The following HYCC1 variants were observed in gnomAD, a reference collection of about 807,000 sequenced individuals.
HYCC1 encodes hyccin PI4KA lipid kinase complex subunit 1, also known as hyccin.
At chr7:22,961,575 T>TA in the HYCC1 span, among the ~76,000 whole-genome samples, 1 of 152,022 alleles carries the variant, frequency 6.6e-6, no homozygotes, top group Non-Finnish European at 1.5e-5. Flanking sequence ...AGAACAGAAA[T>TA]AAAAAAAGCT....
chr7:23,002,162 A>ATACAAT, the HYCC1 span, among the ~76,000 whole-genome samples: 1,189 of 35,470 alleles, frequency 0.034, 30 homozygotes, highest in South Asian at 0.17. Flanking sequence ...ATATATATAT[A>ATACAAT]TATATATATA....
At chr7:22,998,556 T>C in the HYCC1 span, among the ~76,000 whole-genome samples, 3 of 152,162 alleles carry the variant, frequency 2.0e-5, no homozygotes, top group Non-Finnish European at 2.9e-5. Flanking sequence ...TCAGTCCAGA[T>C]ACTATAAGCA....
chr7:22,983,115 G>A, the HYCC1 span, among the ~76,000 whole-genome samples: 1 of 151,998 alleles, frequency 6.6e-6, no homozygotes, highest in Admixed American at 6.6e-5. Context: ...GATTGCTTGA[G>A]CCCAGGAGTT....
chr7:22,971,724 A>G, the HYCC1 span, among the ~76,000 whole-genome samples: 1 of 151,914 alleles, frequency 6.6e-6, no homozygotes, highest in Admixed American at 6.6e-5. Flanking sequence ...TGGAGAGGAA[A>G]AGACCAGGAG....
the HYCC1 span, among the ~76,000 whole-genome samples, chr7:22,996,642 G>A: frequency 6.9e-6 from 1 of 145,894 alleles, no homozygotes; most frequent in Non-Finnish European, 1.5e-5. Flanking sequence ...CATTAGCCCT[G>A]GGCTTCAAGA....
chr7:22,911,497 C>T, the HYCC1 span, among the ~76,000 whole-genome samples: 2 of 152,280 alleles, frequency 1.3e-5, no homozygotes, highest in African/African-American at 2.4e-5. Flanking sequence ...CAGTGGCTCA[C>T]GCCTGTAATC....
the HYCC1 span, among the ~76,000 whole-genome samples, chr7:22,932,571 T>C: frequency 2.0e-5 from 3 of 152,130 alleles, no homozygotes; most frequent in Non-Finnish European, 4.4e-5. Flanking sequence ...GATGAGAAAT[T>C]TTCCCCAGGA....
At chr7:22,979,573 C>T in the HYCC1 span, among the ~76,000 whole-genome samples, 2 of 152,150 alleles carry the variant, frequency 1.3e-5, no homozygotes, top group Admixed American at 1.3e-4. Context: ...ATTTAGCTTT[C>T]AGGGTGGAGT....
At chr7:22,902,611 C>T in the HYCC1 span, among the ~76,000 whole-genome samples, 5 of 151,798 alleles carry the variant, frequency 3.3e-5, no homozygotes, top group African/African-American at 1.2e-4. Context: ...GATAGACAGT[C>T]CAGAAATATG....
At chr7:22,921,822 G>A in the HYCC1 span, among the ~76,000 whole-genome samples, 146 of 152,094 alleles carry the variant, frequency 9.6e-4, no homozygotes, top group African/African-American at 3.5e-3. Context: ...AAACCTTCAA[G>A]CCAAGTTTGG....
At chr7:22,961,395 C>CTT in the HYCC1 span, 25 of 853,812 alleles carry the variant, frequency 2.9e-5, no homozygotes, top group Admixed American at 2.3e-4. Context: ...GAGAAACTAT[C>CTT]TTTACTGAAG....
At chr7:22,997,665 T>TA in the HYCC1 span, among the ~76,000 whole-genome samples, 385 of 152,206 alleles carry the variant, frequency 2.5e-3, 2 homozygotes, top group African/African-American at 9.0e-3. Flanking sequence ...TGCTGTTGCT[T>TA]AAAAAGAAGT....
chr7:22,951,525 TAC>T, the HYCC1 span, among the ~76,000 whole-genome samples: 4 of 151,916 alleles, frequency 2.6e-5, no homozygotes, highest in African/African-American at 4.8e-5. Flanking sequence ...AACAAAGTCA[TAC>T]ACATTCTTTT....
At chr7:22,923,437 C>A in the HYCC1 span, among the ~76,000 whole-genome samples, 1 of 152,018 alleles carries the variant, frequency 6.6e-6, no homozygotes, top group Non-Finnish European at 1.5e-5. Context: ...GATGTAACTT[C>A]CTATATTAAA....
At chr7:22,962,120 C>T in the HYCC1 span, among the ~76,000 whole-genome samples, 1 of 151,994 alleles carries the variant, frequency 6.6e-6, no homozygotes, top group East Asian at 1.9e-4. Flanking sequence ...ATCAAAGAGC[C>T]GAGGTAACAA....
the HYCC1 span, among the ~76,000 whole-genome samples, chr7:22,962,249 A>G: frequency 6.6e-6 from 1 of 152,206 alleles, no homozygotes; most frequent in African/African-American, 2.4e-5. Flanking sequence ...TAGAAGCCAA[A>G]TTGCTAAAAG....
the HYCC1 span, among the ~76,000 whole-genome samples, chr7:22,974,349 G>T: frequency 1.3e-5 from 2 of 152,080 alleles, no homozygotes; most frequent in African/African-American, 2.4e-5. Flanking sequence ...AAAATAAAAA[G>T]TTGCCAACAC....
At chr7:22,980,460 G>A in the HYCC1 span, among the ~76,000 whole-genome samples, 10 of 151,858 alleles carry the variant, frequency 6.6e-5, no homozygotes, top group Non-Finnish European at 1.3e-4. Context: ...CAACTAAGCT[G>A]CAAATGGATT....
At chr7:22,898,576 TTTC>T in the HYCC1 span, among the ~76,000 whole-genome samples, 23 of 74,364 alleles carry the variant, frequency 3.1e-4, no homozygotes, top group Admixed American at 1.9e-3. Context: ...GGTCCAAATA[TTTC>T]TTTTCTTTTC....
Sources: allele counts gnomAD v4.1 joint callset (sites outside exome capture counted in the v4.1 genomes callset), GRCh38; gene constraint gnomAD v4.1.1; transcripts MANE v1.5; gene names NCBI Gene and HGNC (gene_info 2026-07-23, HGNC 2026-07-21).